The following SMG6 variants were observed in gnomAD, a reference collection of about 807,000 sequenced individuals.
The protein encoded by SMG6 is SMG6 nonsense mediated mRNA decay factor.
Under a neutral mutation model 142.2 loss-of-function variants are expected in SMG6, and 66 were observed. That is an observed-to-expected ratio of 0.46 (90% CI 0.38 to 0.57). The LOEUF (loss-of-function observed/expected upper bound fraction) is 0.57. Ranked by LOEUF, SMG6 falls within the 20% of genes least tolerant of loss-of-function variation. SMG6 has a pLI of 0.00. For synonymous variants in SMG6, 779 were observed against 702.4 expected (o/e 1.11, Z -1.72); for missense variants, 1,793 against 1,832.0 (o/e 0.98, Z 0.39).
At position 2,065,488 on chromosome 17, in the gene SMG6, C is replaced by T; in HGVS notation, c.4027G>A (p.Glu1343Lys). 3.1e-6 allele frequency: 5 copies of T among 1,613,064 alleles called. No homozygotes were observed. Among genetic ancestry groups the T allele is most frequent in the Non-Finnish European group, 4.2e-6 (5 of 1,179,954 alleles). ...CTCACCAGCTGGCCAGTGATGTCCT[C>T]ACTGCGGAAGGCGATGGATTCGAGT... ...NELESIAFRS[E>K]DITGQLGNND... Residue 1343 changes from glutamate (E) to lysine (K), a missense_variant, in exon 17 of 19, where the codon GAG becomes AAG. Physicochemically the swap from Glu to Lys is moderately conservative, Grantham distance 56 (BLOSUM62 1). Coordinates refer to ENST00000263073, the MANE Select transcript of SMG6 (RefSeq NM_017575.5).
intron 18 of SMG6, among the ~76,000 whole-genome samples, chr17:2,064,104 A>C (rs933507758): frequency 2.0e-4 from 31 of 152,278 alleles, no homozygotes; most frequent in Admixed American, 1.7e-3. Context: ...GTCAACTCCC[A>C]GAGCAGCCTG....
chr17:2,253,622 C>G (rs2074098645), intron 8 of SMG6, among the ~76,000 whole-genome samples: 1 of 152,140 alleles, frequency 6.6e-6, no homozygotes, highest in Admixed American at 6.5e-5. Flanking sequence ...GACCCCCCTC[C>G]GCCACCAGAA....
chr17:2,118,238 C>CA (rs1244576967), intron 13 of SMG6, among the ~76,000 whole-genome samples: 1 of 150,388 alleles, frequency 6.6e-6, no homozygotes, highest in Non-Finnish European at 1.5e-5. Context: ...AAGACCGTCT[C>CA]AAAAAACAAA....
chr17:2,173,181 TCAAA>T (rs1468317882), intron 12 of SMG6: 3 of 351,896 alleles, frequency 8.5e-6, no homozygotes, highest in African/African-American at 4.2e-5. Flanking sequence ...AGACGCTTAC[TCAAA>T]CACTCTAGAC....
chr17:2,121,776 T>C (rs2069710142), intron 13 of SMG6, among the ~76,000 whole-genome samples: 1 of 151,966 alleles, frequency 6.6e-6, no homozygotes, highest in Non-Finnish European at 1.5e-5. Flanking sequence ...GCCACTACAT[T>C]TGGCTAATTT....
At chr17:2,237,394 T>C in intron 9 of SMG6, 1 of 524,120 alleles carries the variant, frequency 1.9e-6, no homozygotes, top group Non-Finnish European at 2.4e-6. Context: ...AAGCGTTTAC[T>C]TTAGGTAACC....
At chr17:2,296,492 G>A (rs1034639400) in intron 4 of SMG6, among the ~76,000 whole-genome samples, 2 of 152,150 alleles carry the variant, frequency 1.3e-5, no homozygotes, top group Non-Finnish European at 2.9e-5. Context: ...CCAGTCTCTG[G>A]TCTGAGCGGT....
At chr17:2,259,928 G>T (rs1439645831) in intron 8 of SMG6, among the ~76,000 whole-genome samples, 1 of 152,132 alleles carries the variant, frequency 6.6e-6, no homozygotes, top group East Asian at 1.9e-4. Context: ...GTGGTTATTT[G>T]CCATAAAGCA....
chr17:2,133,459 G>A (rs1468869307), intron 13 of SMG6, among the ~76,000 whole-genome samples: 1 of 152,178 alleles, frequency 6.6e-6, no homozygotes, highest in African/African-American at 2.4e-5. Context: ...ACCTCCTGGA[G>A]CAGAGTTTGC....
intron 13 of SMG6, among the ~76,000 whole-genome samples, chr17:2,102,085 C>T (rs1356664584): frequency 2.6e-5 from 4 of 152,186 alleles, no homozygotes; most frequent in Non-Finnish European, 5.9e-5. Context: ...CCTAGTGGAA[C>T]GACAGTGTCG....
At position 2,085,734 on chromosome 17, in the gene SMG6, C is replaced by T; in HGVS notation, c.3525G>A (p.Leu1175=). 1 of 1,613,422 alleles carries T rather than the reference C, an allele frequency of 6.2e-7. No homozygotes were observed. Among genetic ancestry groups the T allele is most frequent in the African/African-American group, 1.3e-5 (1 of 74,982 alleles). ...TCTTCCCGCATAGTACCTCATCTTCCAGTCGTGTTCCCTCTTGGCTTCCCA... is the reference window on the plus strand; with the variant it reads ...TCTTCCCGCATAGTACCTCATCTTCTAGTCGTGTTCCCTCTTGGCTTCCCA... ...KEMGSQEGTR[L]EDEEEDVVIE... The change falls in exon 14 of 19, where the codon CTG becomes CTA. Residue 1175 remains leucine (L), a synonymous_variant. Coordinates refer to ENST00000263073, the MANE Select transcript of SMG6 (RefSeq NM_017575.5). This position sits in a 1 kb window ranked among gnomAD's most constrained non-coding sequence, Gnocchi z 4.1.
chr17:2,117,813 T>C (rs1405557565), intron 13 of SMG6: 1 of 152,162 alleles, frequency 6.6e-6, no homozygotes, highest in African/African-American at 2.4e-5. Flanking sequence ...GCTTATATGC[T>C]CATCTGATAT....
At chr17:2,104,621 T>C (rs1462552181) in intron 13 of SMG6, among the ~76,000 whole-genome samples, 3 of 147,082 alleles carry the variant, frequency 2.0e-5, no homozygotes, top group African/African-American at 7.8e-5. Flanking sequence ...TTTTCATTGA[T>C]CACGCTTTCT....
chr17:2,189,712 G>C (rs2072100479), intron 10 of SMG6, among the ~76,000 whole-genome samples: 1 of 152,128 alleles, frequency 6.6e-6, no homozygotes, highest in African/African-American at 2.4e-5. Context: ...CCCAACCACA[G>C]TGATTCCTTA....
At chr17:2,277,397 A>G (rs1308710104) in intron 8 of SMG6, among the ~76,000 whole-genome samples, 1 of 151,362 alleles carries the variant, frequency 6.6e-6, no homozygotes, top group Non-Finnish European at 1.5e-5. Context: ...CGATCTCCTG[A>G]CCTCGTGATC....
At chr17:2,269,351 G>A (rs184431333) in intron 8 of SMG6, among the ~76,000 whole-genome samples, 2 of 150,716 alleles carry the variant, frequency 1.3e-5, no homozygotes, top group Admixed American at 6.6e-5. Flanking sequence ...AGATCGTGCC[G>A]CTGCACTCCA....
chr17:2,292,771 TAG>T, intron 5 of SMG6, 98 bp downstream of exon 5: 2 of 1,380,592 alleles, frequency 1.4e-6, no homozygotes, highest in Non-Finnish European at 1.0e-6. Flanking sequence ...CAGGGACCAA[TAG>T]GGACACCTGT....
At chr17:2,077,263 T>C (rs533467876) in intron 15 of SMG6, among the ~76,000 whole-genome samples, 6 of 152,066 alleles carry the variant, frequency 3.9e-5, no homozygotes, top group South Asian at 4.2e-4. Context: ...GCACAGACAA[T>C]GTGGGAAACA....
intron 13 of SMG6, among the ~76,000 whole-genome samples, chr17:2,117,448 G>A (rs1478359965): frequency 2.6e-5 from 4 of 152,108 alleles, no homozygotes; most frequent in Non-Finnish European, 4.4e-5. Context: ...TAATAAAAAT[G>A]TCTTTAGGAT....
Sources: allele counts gnomAD v4.1 joint callset (sites outside exome capture counted in the v4.1 genomes callset), GRCh38; gene constraint gnomAD v4.1.1; non-coding constraint Gnocchi (gnomAD v3.1); transcripts MANE v1.5; gene names NCBI Gene and HGNC (gene_info 2026-07-23, HGNC 2026-07-21).